The following RUBCNL variants were observed in gnomAD, a reference collection of about 807,000 sequenced individuals.
RUBCNL encodes the protein protein associated with UVRAG as autophagy enhancer.
Under a neutral mutation model 69.5 loss-of-function variants are expected in RUBCNL, and 62 were observed. That is an observed-to-expected ratio of 0.89 (90% CI 0.73 to 1.10). RUBCNL has a LOEUF of 1.10. RUBCNL is among the 50% of genes least tolerant of loss of function. RUBCNL has a pLI of 0.00. For missense variants in RUBCNL, 768 were observed against 798.1 expected, an observed-to-expected ratio of 0.96 and a Z score of 0.45; for synonymous variants, 291 against 303.6, an observed-to-expected ratio of 0.96 and a Z score of 0.43.
At chr13:46,347,130 T>C (rs2048263003) in intron 12 of RUBCNL, among the ~76,000 whole-genome samples, 1 of 152,274 alleles carries the variant, frequency 6.6e-6, no homozygotes, top group East Asian at 1.9e-4. Flanking sequence ...TGCCTTTTCT[T>C]ATTTAAAAAC....
chr13:46,341,676 A>G lies in RUBCNL; in HGVS notation c.*1709T>C, dbSNP rs748305092. 3.9e-5 allele frequency among the ~76,000 whole-genome samples: 6 copies of G among 152,240 alleles called. No homozygotes were observed. Among genetic ancestry groups the G allele is most frequent in the Non-Finnish European group, 8.8e-5 (6 of 68,032 alleles). Reference sequence around the variant, plus strand: ...TGCCTTAAATCAACACTGATGTGAGAAAACACTCTGCCCAATGCCACTTCT... The same window carrying G: ...TGCCTTAAATCAACACTGATGTGAGGAAACACTCTGCCCAATGCCACTTCT... On this transcript the variant is annotated 3_prime_UTR_variant, in exon 15 of 15. Transcript: ENST00000429979.
intron 10 of RUBCNL, among the ~76,000 whole-genome samples, chr13:46,356,070 A>C (rs1332884850): frequency 6.6e-6 from 1 of 152,196 alleles, no homozygotes; most frequent in Non-Finnish European, 1.5e-5. Flanking sequence ...AATGTGAAAG[A>C]AGCAAAGGAA....
intron 1 of RUBCNL, among the ~76,000 whole-genome samples, chr13:46,379,636 G>A (rs1006722307): frequency 5.9e-5 from 9 of 152,130 alleles, no homozygotes; most frequent in Non-Finnish European, 1.2e-4. Context: ...TAGAATAAAG[G>A]ATACTAGAGA....
At chr13:46,370,291 A>G (rs748262950) in intron 3 of RUBCNL, among the ~76,000 whole-genome samples, 2 of 152,228 alleles carry the variant, frequency 1.3e-5, no homozygotes, top group Non-Finnish European at 2.9e-5. Context: ...TGCCAACAAA[A>G]TAAACTGTGG....
intron 2 of RUBCNL, chr13:46,374,439 T>C (rs2048945105): frequency 6.6e-6 from 1 of 152,224 alleles, no homozygotes; most frequent in Non-Finnish European, 1.5e-5. Flanking sequence ...CAATACCAAG[T>C]TGATGCATGG....
At chr13:46,382,310 A>C (rs2138849870) in intron 1 of RUBCNL, among the ~76,000 whole-genome samples, 1 of 152,302 alleles carries the variant, frequency 6.6e-6, no homozygotes, top group East Asian at 1.9e-4. Context: ...AAAGGATAGG[A>C]GAAAGTTAAA....
intron 1 of RUBCNL, among the ~76,000 whole-genome samples, chr13:46,384,382 TAAG>T (rs2049188671): frequency 6.6e-6 from 1 of 152,200 alleles, no homozygotes; most frequent in African/African-American, 2.4e-5. Flanking sequence ...TAAAAAAGTA[TAAG>T]AAGAATACAT....
Position 46,336,930 on chromosome 13 carries a change from A to C in RUBCNL, c.*6455T>G, listed in dbSNP as rs1342139240. Among the ~76,000 whole-genome samples, 1 of 151,940 alleles carries C rather than the reference A, an allele frequency of 6.6e-6. No homozygotes were observed. Among genetic ancestry groups the C allele is most frequent in the African/African-American group, 2.4e-5 (1 of 41,336 alleles). On this transcript the variant is annotated 3_prime_UTR_variant, in exon 15 of 15. Transcript: ENST00000429979. ...TATGGATAACTCAGAGGAGTAGAATAGTTTTTGATGTCTGCATGACTGTTA... is the reference window on the plus strand; with the variant it reads ...TATGGATAACTCAGAGGAGTAGAATCGTTTTTGATGTCTGCATGACTGTTA...
chr13:46,375,518 G>A (rs769549435), intron 2 of RUBCNL, among the ~76,000 whole-genome samples: 67 of 152,016 alleles, frequency 4.4e-4, no homozygotes, highest in African/African-American at 7.3e-4. Flanking sequence ...GGACGACAGC[G>A]AGACTCTGTC....
intron 12 of RUBCNL, among the ~76,000 whole-genome samples, chr13:46,347,019 G>A (rs1242294438): frequency 6.6e-6 from 1 of 152,182 alleles, no homozygotes; most frequent in Non-Finnish European, 1.5e-5. Flanking sequence ...GGGTATGTGT[G>A]CAGGTTTGTT....
chr13:46,364,301 G>A (rs925624669), intron 5 of RUBCNL, among the ~76,000 whole-genome samples: 17 of 152,122 alleles, frequency 1.1e-4, no homozygotes, highest in Non-Finnish European at 1.8e-4. Context: ...GGAGGCTGAG[G>A]CCGGAGAATC....
chr13:46,371,902 G>A, intron 3 of RUBCNL, 39 bp downstream of exon 3: 1 of 1,598,896 alleles, frequency 6.3e-7, no homozygotes. Flanking sequence ...GCAAGGGTGT[G>A]AACAGAGAGG....
intron 10 of RUBCNL, 80 bp downstream of exon 10, chr13:46,356,351 CA>C (rs2048483750): frequency 1.5e-6 from 2 of 1,369,762 alleles, no homozygotes; most frequent in Non-Finnish European, 1.0e-6. Context: ...GCATCTCTCA[CA>C]CAAGCAATGC....
At position 46,338,714 on chromosome 13, in the gene RUBCNL, G is replaced by A. The variant is rs2048120424; in HGVS notation, c.*4671C>T. Among the ~76,000 whole-genome samples the A allele has an allele frequency of 6.6e-6, 1 of 152,038 alleles. No individual in the cohort carries two copies. On this transcript the variant is annotated 3_prime_UTR_variant, in exon 15 of 15. Coordinates refer to ENST00000429979, the MANE Select transcript of RUBCNL (RefSeq NM_025113.5). Reference sequence around the variant, plus strand: ...ACACGGCAGGACTAGAAAAGAGGGGGCAGCCCTGGGGAGAAAGAAGCCTGG... The same window carrying A: ...ACACGGCAGGACTAGAAAAGAGGGGACAGCCCTGGGGAGAAAGAAGCCTGG...
chr13:46,361,299 C>A, intron 8 of RUBCNL, 142 bp downstream of exon 8: 1 of 752,248 alleles, frequency 1.3e-6, no homozygotes. Context: ...GTACTCAACA[C>A]ATGCCAGTTT....
chr13:46,372,317 C>A lies in RUBCNL; in HGVS notation c.159G>T (p.Trp53Cys). The A allele has an allele frequency of 6.2e-7, 1 of 1,613,988 alleles. No individual in the cohort carries two copies. Among genetic ancestry groups the A allele is most frequent in the Non-Finnish European group, 8.5e-7 (1 of 1,179,896 alleles). Residue 53 changes from tryptophan to cysteine, a missense_variant, in exon 3 of 15, where the codon TGG becomes TGT. Coordinates refer to ENST00000429979, the MANE Select transcript of RUBCNL (RefSeq NM_025113.5). Reference protein sequence around the residue: ...DIRLMRHKAVWINPQDVQQQP... With the variant: ...DIRLMRHKAVCINPQDVQQQP... ...GTTGCTGCACATCCTGGGGGTTAAT[C>A]CAGACAGCTTTGTGCCTCATGAGCC...
chr13:46,387,653 C>G (rs913687167), upstream of RUBCNL: 9 of 985,510 alleles, frequency 9.1e-6, no homozygotes, highest in Admixed American at 6.1e-5. Context: ...GATGAGTCGG[C>G]CCTGAAATCG....
chr13:46,375,728 T>A (rs2048977702), intron 2 of RUBCNL, among the ~76,000 whole-genome samples: 1 of 152,176 alleles, frequency 6.6e-6, no homozygotes, highest in African/African-American at 2.4e-5. Flanking sequence ...ACTTTGAGTC[T>A]CAAGAGTTTT....
Position 46,372,508 on chromosome 13 carries a change from CA to C in RUBCNL, c.-34del. ...GGCTTGTGGCTGGTGTGAATCCATT[CA>C]AAACAGATAGGAGTTCCCTGATTGC... On this transcript the variant is annotated 5_prime_UTR_variant, in exon 3 of 15. Transcript: ENST00000429979. The C allele has an allele frequency of 6.4e-7, 1 of 1,559,598 alleles. No homozygotes were observed. The highest frequency in any genetic ancestry group is 8.7e-7 in the Non-Finnish European group (1 of 1,151,346).
Sources: gnomAD v4.1 joint callset for allele counts (sites outside exome capture counted in the v4.1 genomes callset) on GRCh38, gnomAD v4.1.1 for gene constraint, MANE v1.5 for transcripts, NCBI Gene and HGNC (gene_info 2026-07-23, HGNC 2026-07-21) for gene names.